Variants in MACROD2 observed in about 807,000 individuals in gnomAD.
The protein encoded by MACROD2 is mono-ADP ribosylhydrolase 2, also known as ADP-ribose glycohydrolase MACROD2.
In MACROD2, 36 loss-of-function variants were observed where a neutral mutation model predicts 70.4. The ratio of observed to expected loss-of-function variants is 0.51; its 90% CI spans 0.39 to 0.68. The LOEUF (loss-of-function observed/expected upper bound fraction) is 0.68. MACROD2 is among the 30% of genes least tolerant of loss of function. The pLI is 0.00. For synonymous variants in MACROD2, 172 were observed against 178.8 expected, an observed-to-expected ratio of 0.96 and a Z score of 0.30; for missense variants, 496 against 538.4, an observed-to-expected ratio of 0.92 and a Z score of 0.78.
At chr20:15,987,470 A>G (rs2066502602) in intron 15 of MACROD2, among the ~76,000 whole-genome samples, 1 of 152,218 alleles carries the variant, frequency 6.6e-6, no homozygotes, top group Non-Finnish European at 1.5e-5. Flanking sequence ...CTAGAGGGAT[A>G]AAGTTCATAC....
chr20:15,008,534 G>T (rs748357592), intron 5 of MACROD2, among the ~76,000 whole-genome samples: 4 of 152,162 alleles, frequency 2.6e-5, no homozygotes, highest in Non-Finnish European at 5.9e-5. Flanking sequence ...TGATCATGGT[G>T]CAGGTTCTTG....
intron 5 of MACROD2, among the ~76,000 whole-genome samples, chr20:15,205,431 T>C (rs1321870957): frequency 6.6e-6 from 1 of 152,046 alleles, no homozygotes; most frequent in African/African-American, 2.4e-5. Flanking sequence ...TTATAATCCA[T>C]GTTAAGGAAT....
intron 7 of MACROD2, among the ~76,000 whole-genome samples, chr20:15,474,870 T>C (rs1048068136): frequency 5.3e-5 from 8 of 152,122 alleles, no homozygotes; most frequent in Non-Finnish European, 1.0e-4. Flanking sequence ...GGCCTTGTCC[T>C]GTAGGCATAT....
At chr20:15,154,723 T>C (rs1472158218) in intron 5 of MACROD2, among the ~76,000 whole-genome samples, 1 of 152,168 alleles carries the variant, frequency 6.6e-6, no homozygotes, top group Non-Finnish European at 1.5e-5. Flanking sequence ...TCATAAGGGC[T>C]CCACCCTCAG....
chr20:15,751,913 G>A (rs1276129952), intron 8 of MACROD2, among the ~76,000 whole-genome samples: 1 of 151,374 alleles, frequency 6.6e-6, no homozygotes, highest in African/African-American at 2.4e-5. Context: ...CAAATGTGCT[G>A]TGAATAAAAG....
chr20:14,353,501 A>G (rs149448387), intron 3 of MACROD2, among the ~76,000 whole-genome samples: 1 of 152,182 alleles, frequency 6.6e-6, no homozygotes, highest in East Asian at 1.9e-4. Context: ...TACCTATACT[A>G]GATATTGCAA....
At chr20:15,630,401 C>G (rs890225089) in intron 8 of MACROD2, among the ~76,000 whole-genome samples, 1 of 152,218 alleles carries the variant, frequency 6.6e-6, no homozygotes, top group South Asian at 2.1e-4. Flanking sequence ...CTCTTCCTTG[C>G]AAACAAATGA....
chr20:15,427,749 G>A (rs1600397192), intron 6 of MACROD2, among the ~76,000 whole-genome samples: 3 of 152,282 alleles, frequency 2.0e-5, no homozygotes, highest in Admixed American at 2.0e-4. Context: ...GCATGATTCT[G>A]GGTGAGGTGG....
At chr20:14,371,737 G>T (rs204647) in intron 3 of MACROD2, among the ~76,000 whole-genome samples, 134,663 of 151,788 alleles carry the variant, frequency 0.89, 59,815 homozygotes, top group South Asian at 0.91. Flanking sequence ...GTTTATGATA[G>T]GCTTTAAAGA....
At chr20:15,877,472 C>A in intron 9 of MACROD2, among the ~76,000 whole-genome samples, 1 of 147,244 alleles carries the variant, frequency 6.8e-6, no homozygotes, top group Non-Finnish European at 1.5e-5. Context: ...TTTAAAAGAA[C>A]AACAAAATTT....
intron 8 of MACROD2, among the ~76,000 whole-genome samples, chr20:15,607,536 T>C (rs1318534436): frequency 6.6e-6 from 1 of 152,216 alleles, no homozygotes; most frequent in Non-Finnish European, 1.5e-5. Flanking sequence ...TTTGTTTGTT[T>C]ATTTATTTAT....
chr20:15,448,685 A>T (rs1466607113), intron 7 of MACROD2, among the ~76,000 whole-genome samples: 1 of 152,170 alleles, frequency 6.6e-6, no homozygotes, highest in East Asian at 1.9e-4. Flanking sequence ...TATAATGCAC[A>T]GTATTATCTT....
At position 13,995,787 on chromosome 20, in the gene MACROD2, A is replaced by G. The variant is rs745930860; in HGVS notation, c.24A>G (p.Lys8=). 13 of 1,605,934 alleles carry G rather than the reference A, an allele frequency of 8.1e-6. No homozygotes were observed. The highest frequency in any genetic ancestry group is 1.1e-5 in the Non-Finnish European group (13 of 1,175,356). ...ACATGTACCCCAGCAACAAGAAGAAAAAGGTGTGGAGAGAGGAGAAAGGTA... is the reference window on the plus strand; with the variant it reads ...ACATGTACCCCAGCAACAAGAAGAAGAAGGTGTGGAGAGAGGAGAAAGGTA... MYPSNKK[K]KVWREEKERL... Residue 8 remains lysine, a synonymous_variant, in exon 1 of 18, where the codon AAA becomes AAG. Coordinates refer to ENST00000684519, the MANE Select transcript of MACROD2 (RefSeq NM_001351661.2). The surrounding 1 kb of genome is among the most constrained non-coding windows in gnomAD (Gnocchi z 4.3).
At chr20:15,079,044 A>G (rs2075682277) in intron 5 of MACROD2, among the ~76,000 whole-genome samples, 1 of 152,078 alleles carries the variant, frequency 6.6e-6, no homozygotes, top group African/African-American at 2.4e-5. Flanking sequence ...CCTGTACACC[A>G]TGCACCATGG....
chr20:16,005,382 A>G (rs1221288829), intron 15 of MACROD2, among the ~76,000 whole-genome samples: 1 of 152,320 alleles, frequency 6.6e-6, no homozygotes, highest in East Asian at 1.9e-4. Context: ...AGCAACACAC[A>G]TAAGCTGTTT....
At chr20:14,084,486 T>C (rs1393898591) in intron 2 of MACROD2, among the ~76,000 whole-genome samples, 6 of 152,218 alleles carry the variant, frequency 3.9e-5, no homozygotes, top group Non-Finnish European at 7.3e-5. Flanking sequence ...CCTGTAAGTA[T>C]ATTAAAAACC....
At chr20:14,046,855 A>T (rs930069761) in intron 2 of MACROD2, among the ~76,000 whole-genome samples, 1 of 152,054 alleles carries the variant, frequency 6.6e-6, no homozygotes, top group South Asian at 2.1e-4. Flanking sequence ...CAGAATAAGG[A>T]TAGGGATATT....
rs569515337 is a variant in MACROD2 at position 15,225,588 on chromosome 20, G to A, written c.419-4352G>A. Among the ~76,000 whole-genome samples, 11 of 152,122 alleles carry A rather than the reference G, an allele frequency of 7.2e-5. No individual in the cohort carries two copies. In the South Asian group the frequency reaches 1.5e-3, roughly 20 times the overall value. On this transcript the variant is annotated intron_variant, in intron 5 of 17. Transcript: ENST00000684519. ...ACAAACCTATATTCTTCCCTACATC[G>A]GTAGAGGAATTTTTTTTAACACTAA...
chr20:15,309,104 A>C (rs2077726412), intron 6 of MACROD2, among the ~76,000 whole-genome samples: 1 of 152,166 alleles, frequency 6.6e-6, no homozygotes, highest in African/African-American at 2.4e-5. Flanking sequence ...TTACAAACAG[A>C]TGGAAAACTG....
Sources: gnomAD v4.1 joint callset for allele counts (sites outside exome capture counted in the v4.1 genomes callset) on GRCh38, gnomAD v4.1.1 for gene constraint, Gnocchi (gnomAD v3.1) non-coding constraint, MANE v1.5 for transcripts, NCBI Gene and HGNC (gene_info 2026-07-23, HGNC 2026-07-21) for gene names.